DIDO1: variants seen among roughly 807,000 people sequenced by gnomAD.
DIDO1 encodes the protein death-inducer obliterator 1.
A neutral mutation model predicts 99.4 loss-of-function variants in DIDO1; 16 were observed. The observed-to-expected ratio is 0.16, with a 90% CI of 0.11 to 0.24. The LOEUF (loss-of-function observed/expected upper bound fraction) is 0.24, where lower values mean the gene tolerates loss of function less well. Among genes scored for constraint, DIDO1 ranks in the 10% least tolerant of loss-of-function variants. The pLI, the probability that DIDO1 is intolerant of heterozygous loss-of-function variation, is 1.00. For missense variants in DIDO1, 2,996 were observed against 3,014.0 expected, an observed-to-expected ratio of 0.99 and a Z score of 0.14; for synonymous variants, 1,366 against 1,239.1, an observed-to-expected ratio of 1.10 and a Z score of -2.15.
At chr20:62,897,407 G>A (rs1227418332) in intron 6 of DIDO1, among the ~76,000 whole-genome samples, 1 of 152,174 alleles carries the variant, frequency 6.6e-6, no homozygotes, top group African/African-American at 2.4e-5. Context: ...CAGTGAAAAA[G>A]ACCGTTTAGA....
rs1388945963 is a variant in DIDO1 at position 62,881,155 on chromosome 20, C to T, written c.4801G>A (p.Val1601Met). 1.9e-6 allele frequency: 3 copies of T among 1,608,386 alleles called. No homozygotes were observed. Among genetic ancestry groups the T allele is most frequent in the South Asian group, 1.1e-5 (1 of 90,958 alleles). The change falls in exon 16 of 16, where the codon GTG (valine) becomes ATG (methionine). Residue 1601 changes from valine (V) to methionine (M), a missense_variant. Coordinates refer to ENST00000395343, the MANE Select transcript of DIDO1 (RefSeq NM_001193369.2). This position sits in a 1 kb window ranked among gnomAD's most constrained non-coding sequence, Gnocchi z 8.3. The part of the protein sequence containing the change: ...PERDASRGGL[V>M]GQAPMPVPEE... ...GGGACTGGCATGGGCGCCTGGCCCACGAGGCCACCCCTGGAAGCATCTCTC... is the reference window on the plus strand; with the variant it reads ...GGGACTGGCATGGGCGCCTGGCCCATGAGGCCACCCCTGGAAGCATCTCTC...
rs2147415424 is a variant in DIDO1 at position 62,896,284 on chromosome 20, G to A, written c.2163C>T (p.Tyr721=). 1 of 1,613,876 alleles carries A rather than the reference G, an allele frequency of 6.2e-7. No homozygotes were observed. Among genetic ancestry groups the A allele is most frequent in the Non-Finnish European group, 8.5e-7 (1 of 1,179,972 alleles). Residue 721 remains tyrosine (Y), a synonymous_variant, in exon 8 of 16, where the codon TAC becomes TAT. Transcript: ENST00000395343. The surrounding 1 kb of genome is among the most constrained non-coding windows in gnomAD (Gnocchi z 4.4). ...ACATGATGCTGCGATATTTACTCTT[G>A]TAGCGATTATCTGTAACTTGAAACA... ...FNLFQVTDNR[Y]KSKYRSIMFN...
chr20:62,901,905 G>A (rs1007337807), intron 6 of DIDO1, among the ~76,000 whole-genome samples: 6 of 151,854 alleles, frequency 4.0e-5, no homozygotes, highest in African/African-American at 1.5e-4. Context: ...AATTGTAGCA[G>A]GCGTCTTCAG....
At chr20:62,905,787 T>G (rs768859228) in intron 6 of DIDO1, 100 bp downstream of exon 6, 3 of 1,612,636 alleles carry the variant, frequency 1.9e-6, no homozygotes, top group Non-Finnish European at 2.5e-6. Flanking sequence ...GTGATCAGCT[T>G]AACACAAAGC....
At chr20:62,898,641 G>T (rs2064590608) in intron 6 of DIDO1, among the ~76,000 whole-genome samples, 1 of 152,142 alleles carries the variant, frequency 6.6e-6, no homozygotes, top group African/African-American at 2.4e-5. Context: ...TGCTAGATGT[G>T]GTCCAGCCAC....
rs1600897205 is a variant in DIDO1 at position 62,880,458 on chromosome 20, C to T, written c.5498G>A (p.Gly1833Glu). The T allele has an allele frequency of 1.7e-5, 28 of 1,612,914 alleles. No homozygotes were observed. In the East Asian group the frequency reaches 6.0e-4, roughly 35 times the overall value. ...TTGGGATGGTGCCACTCCTCGTGGT[C>T]CACCAAGGTAAGAGGGTGAGGGGCC... ...SRGPSPSYLG[G>E]PRGVAPSQFE... Residue 1833 changes from glycine to glutamate, a missense_variant, in exon 16 of 16, where the codon GGA (glycine) becomes GAA (glutamate). By Grantham distance (98) the Gly-to-Glu change is moderately conservative (BLOSUM62 -2). Around this residue, in one of 5 missense-constraint regions of DIDO1, gnomAD observed 1,562 missense variants for 1,412.6 expected, o/e 1.11. Coordinates refer to ENST00000395343, the MANE Select transcript of DIDO1 (RefSeq NM_001193369.2).
rs541428278 is a variant in DIDO1 at position 62,919,574 on chromosome 20, C to T, written c.-199-5168G>A. Reference sequence around the variant, plus strand: ...AAAAAAAAAAGCAGCAAGGGTGCCACAACACAGTATGTTTCTCACAAAGAA... The same window carrying T: ...AAAAAAAAAAGCAGCAAGGGTGCCATAACACAGTATGTTTCTCACAAAGAA... On this transcript the variant is annotated intron_variant, in intron 1 of 15. Coordinates refer to ENST00000395343, the MANE Select transcript of DIDO1 (RefSeq NM_001193369.2). Among the ~76,000 whole-genome samples the T allele has an allele frequency of 7.9e-5, 12 of 151,930 alleles. No individual in the cohort carries two copies. The East Asian group carries it at 2.1e-3, about 27-fold the overall frequency.
chr20:62,892,448 T>C (rs1448280003), intron 13 of DIDO1, among the ~76,000 whole-genome samples: 1 of 152,056 alleles, frequency 6.6e-6, no homozygotes, highest in East Asian at 1.9e-4. Flanking sequence ...TGCCACGGGG[T>C]CATATGCGCC....
Position 62,880,391 on chromosome 20 carries a change from G to C in DIDO1, c.5565C>G (p.Phe1855Leu). Residue 1855 changes from phenylalanine to leucine, a missense_variant, in exon 16 of 16, where the codon TTC (phenylalanine) becomes TTG (leucine). By Grantham distance (22) the Phe-to-Leu change is conservative. Transcript: ENST00000395343. ...TCACCTCGTTATACGGGGCGTCCTGGAACTCCCTCTTCTCCCCATGGGGAT... is the reference window on the plus strand; with the variant it reads ...TCACCTCGTTATACGGGGCGTCCTGCAACTCCCTCTTCTCCCCATGGGGAT... ...RKDPHGEKRE[F>L]QDAPYNEVTG... 6.2e-7 allele frequency: 1 copy of C among 1,612,860 alleles called. No homozygotes were observed. Among genetic ancestry groups the C allele is most frequent in the Non-Finnish European group, 8.5e-7 (1 of 1,180,012 alleles).
At chr20:62,929,704 T>A (rs1236529262), upstream of DIDO1, among the ~76,000 whole-genome samples, 2 of 131,154 alleles carry the variant, frequency 1.5e-5, no homozygotes, top group African/African-American at 6.7e-5. Context: ...TGTATATATA[T>A]ATATATATGC....
intron 6 of DIDO1, chr20:62,904,877 G>T (rs2064766584): frequency 1.7e-6 from 1 of 605,058 alleles, no homozygotes; most frequent in Non-Finnish European, 2.1e-6. Context: ...TTCCCTTAGG[G>T]AATCTGCTCA....
At chr20:62,921,097 T>C (rs1233797081) in intron 1 of DIDO1, among the ~76,000 whole-genome samples, 5 of 152,274 alleles carry the variant, frequency 3.3e-5, no homozygotes, top group Non-Finnish European at 4.4e-5. Flanking sequence ...GGTTTCACCA[T>C]GTTGGCCAGG....
chr20:62,879,360 C>G lies in DIDO1; in HGVS notation c.6596G>C (p.Arg2199Pro). ...RDRSRSRERD[R>P]DKARDRERGR... is the part of the protein sequence containing the mutation. ...CCGCTCCCTGTCCCTGGCCTTGTCTCGGTCCCGCTCTCTGCTCCGGGACCG... is the reference window on the plus strand; with the variant it reads ...CCGCTCCCTGTCCCTGGCCTTGTCTGGGTCCCGCTCTCTGCTCCGGGACCG... Residue 2199 changes from arginine to proline, a missense_variant, in exon 16 of 16, where the codon CGA becomes CCA. Physicochemically the swap from Arg to Pro is moderately radical, Grantham distance 103. Coordinates refer to ENST00000395343, the MANE Select transcript of DIDO1 (RefSeq NM_001193369.2). This position sits in a 1 kb window ranked among gnomAD's most constrained non-coding sequence, Gnocchi z 6.3. 1.3e-6 allele frequency: 2 copies of G among 1,549,356 alleles called. No individual in the cohort carries two copies. The highest frequency in any genetic ancestry group is 1.7e-6 in the Non-Finnish European group (2 of 1,149,032).
At chr20:62,891,281 G>A (rs914084831) in intron 14 of DIDO1, 126 bp from the exon 15 acceptor site, 5 of 1,466,510 alleles carry the variant, frequency 3.4e-6, no homozygotes, top group South Asian at 1.4e-5. Context: ...CGATCTCACA[G>A]AGCTGCTGTC....
chr20:62,901,817 GAAAAAAA>G (rs11467476), intron 6 of DIDO1, among the ~76,000 whole-genome samples: 1 of 113,102 alleles, frequency 8.8e-6, no homozygotes, highest in African/African-American at 3.0e-5. Flanking sequence ...TGTGTTAACA[GAAAAAAA>G]AAAAAAAAAA....
In DIDO1 at chr20:62,911,977, C is replaced by T. The variant is rs183762122; in HGVS notation, c.-2-363G>A. Among the ~76,000 whole-genome samples the T allele has an allele frequency of 3.6e-4, 54 of 150,936 alleles. No homozygotes were observed. The highest frequency in any genetic ancestry group is 1.3e-3 in the African/African-American group (53 of 40,280). ...GTGAGTAAGGACGTGAGCAAGGACG[C>T]GAGCAGCTCGGAGGTGGCACGAGCT... is the stretch of plus-strand genomic sequence containing the variant. On this transcript the variant is annotated intron_variant, in intron 2 of 15. Transcript: ENST00000395343. The surrounding 1 kb of genome is among the most constrained non-coding windows in gnomAD (Gnocchi z 7.0).
At chr20:62,905,024 A>G in intron 6 of DIDO1, 1 of 989,218 alleles carries the variant, frequency 1.0e-6, no homozygotes, top group Non-Finnish European at 1.2e-6. Context: ...AAATAGTTTT[A>G]TAGCAGAAAA....
intron 6 of DIDO1, among the ~76,000 whole-genome samples, chr20:62,900,880 T>C (rs985330107): frequency 6.6e-6 from 1 of 152,186 alleles, no homozygotes; most frequent in Non-Finnish European, 1.5e-5. Flanking sequence ...CAACAGTCAG[T>C]GAAGGAACTG....
chr20:62,888,595 G>C, intron 15 of DIDO1: 5 of 985,562 alleles, frequency 5.1e-6, no homozygotes, highest in Non-Finnish European at 6.0e-6. Flanking sequence ...GGGCTTCTGG[G>C]CTATCTCCGT....
Sources: allele counts gnomAD v4.1 joint callset (sites outside exome capture counted in the v4.1 genomes callset), GRCh38; gene constraint gnomAD v4.1.1; regional missense constraint gnomAD v4.1.1; non-coding constraint Gnocchi (gnomAD v3.1); transcripts MANE v1.5; gene names NCBI Gene and HGNC (gene_info 2026-07-23, HGNC 2026-07-21).